The following GPR6 variants were observed in gnomAD, a reference collection of about 807,000 sequenced individuals.
The protein encoded by GPR6 is sphingosine 1-phosphate receptor GPR6.
Under a neutral mutation model 18.5 loss-of-function variants are expected in GPR6, and 14 were observed. That is an observed-to-expected ratio of 0.76 (90% CI 0.50 to 1.18). The LOEUF is 1.18. Ranked by LOEUF, GPR6 falls within the 50% of genes most tolerant of loss-of-function variation. GPR6 has a pLI of 0.00. For missense variants in GPR6, 477 were observed against 495.9 expected (o/e 0.96, Z 0.36); for synonymous variants, 299 against 240.9 (o/e 1.24, Z -2.23).
chr6:109,978,376 G>A lies in GPR6; in HGVS notation c.-110G>A. The A allele has an allele frequency of 5.1e-6, 1 of 195,224 alleles. No individual in the cohort carries two copies. The allele number at this position is 195,224 out of a possible 1,614,324, so 12.1% of individuals were successfully genotyped here. A position where few individuals can be genotyped will look rare whatever the true frequency, so the allele number is the denominator to read the frequency against. On this transcript the variant is annotated 5_prime_UTR_variant, in exon 1 of 2. Coordinates refer to ENST00000275169, the MANE Select transcript of GPR6 (RefSeq NM_005284.5). ...CTCCTCCCCGGCCCGGCCGCCTCCT[G>A]CAGGCAGCTGCTCTGTTTGCGCGGG...
Position 109,980,106 on chromosome 6 carries a change from C to G in GPR6, c.994C>G (p.Arg332Gly), listed in dbSNP as rs921788373. The change falls in exon 2 of 2, where the codon CGC becomes GGC. Residue 332 changes from arginine (R) to glycine (G), a missense_variant. Arg to Gly is a moderately radical substitution (Grantham distance 125). Coordinates refer to ENST00000275169, the MANE Select transcript of GPR6 (RefSeq NM_005284.5). ...SMINPIIYAF[R>G]NQEIQRALWL... ...GATCAATCCCATCATCTATGCCTTC[C>G]GCAACCAGGAGATCCAGCGCGCCCT... is the stretch of plus-strand genomic sequence containing the variant. 7.4e-6 allele frequency: 12 copies of G among 1,614,104 alleles called. No individual in the cohort carries two copies. Among genetic ancestry groups the G allele is most frequent in the Admixed American group, 3.3e-5 (2 of 60,014 alleles).
chr6:109,979,128 G>A lies in GPR6; in HGVS notation c.16G>A (p.Ala6Thr). The A allele has an allele frequency of 1.3e-6, 2 of 1,588,720 alleles. No homozygotes were observed. Among genetic ancestry groups the A allele is most frequent in the Non-Finnish European group, 8.5e-7 (1 of 1,174,944 alleles). The change falls in exon 2 of 2, where the codon GCC becomes ACC. Residue 6 changes from alanine to threonine, a missense_variant. Coordinates refer to ENST00000275169, the MANE Select transcript of GPR6 (RefSeq NM_005284.5). MNASA[A>T]SLNDSQVVVV... The stretch of plus-strand genomic sequence containing the variant: ...TCCGGCCGCGATGAACGCGAGCGCC[G>A]CCTCGCTCAACGACTCCCAGGTGGT...
intron 1 of GPR6, 127 bp from the exon 2 acceptor site, chr6:109,978,968 T>A: frequency 1.3e-6 from 2 of 1,531,956 alleles, no homozygotes; most frequent in Non-Finnish European, 1.8e-6. Flanking sequence ...ATTCCCCGAT[T>A]TGCTCTGGGG....
Position 109,979,600 on chromosome 6 carries a change from C to T in GPR6, c.488C>T (p.Thr163Met), listed in dbSNP as rs1183512778. ...AASVSSLLAI[T>M]VDRYLSLYNA... is the part of the protein sequence containing the mutation. ...TCTGTCAGCAGCCTGCTGGCCATTA[C>T]GGTGGACCGCTACCTGTCCCTGTAT... The change falls in exon 2 of 2, where the codon ACG becomes ATG. Residue 163 changes from threonine to methionine, a missense_variant. Coordinates refer to ENST00000275169, the MANE Select transcript of GPR6 (RefSeq NM_005284.5). 1.2e-6 allele frequency: 2 copies of T among 1,612,666 alleles called. No individual in the cohort carries two copies. Among genetic ancestry groups the T allele is most frequent in the Admixed American group, 1.7e-5 (1 of 60,036 alleles).
Position 109,980,339 on chromosome 6 carries a change from G to A in GPR6, c.*138G>A. The A allele has an allele frequency of 8.0e-7, 1 of 1,246,852 alleles. No homozygotes were observed. Among genetic ancestry groups the A allele is most frequent in the Non-Finnish European group, 1.1e-6 (1 of 881,752 alleles). The allele number at this position is 1,246,852 out of a possible 1,614,324, so 77.2% of individuals were successfully genotyped here. A position where few individuals can be genotyped will look rare whatever the true frequency, so the allele number is the denominator to read the frequency against. On this transcript the variant is annotated 3_prime_UTR_variant, in exon 2 of 2. Transcript: ENST00000275169. ...AAAGAAAAAGGGACTAAAGAGAAAT[G>A]TAACAAACTTACAAGGACAAAGAGG...
At position 109,979,145 on chromosome 6, in the gene GPR6, C is replaced by T. The variant is rs774095220; in HGVS notation, c.33C>T (p.Ser11=). The change falls in exon 2 of 2, where the codon TCC becomes TCT. Residue 11 remains serine, a synonymous_variant. Coordinates refer to ENST00000275169, the MANE Select transcript of GPR6 (RefSeq NM_005284.5). MNASAASLND[S]QVVVVAAEGA... ...CGAGCGCCGCCTCGCTCAACGACTC[C>T]CAGGTGGTGGTAGTGGCGGCCGAAG... The T allele has an allele frequency of 1.2e-6, 2 of 1,601,944 alleles. No individual in the cohort carries two copies. The highest frequency in any genetic ancestry group is 3.5e-5 in the Admixed American group (2 of 57,786).
chr6:109,980,628 A>AT lies in GPR6; in HGVS notation c.*432dup, dbSNP rs1771067971. On this transcript the variant is annotated 3_prime_UTR_variant, in exon 2 of 2. Transcript: ENST00000275169. ...GCAGGGAAAAGGGAGTAAAAGGTGTATTTTTGTCGTATGTGATAGAATATT... is the reference window on the plus strand; with the variant it reads ...GCAGGGAAAAGGGAGTAAAAGGTGTATTTTTTGTCGTATGTGATAGAATATT... 1 of 200,252 alleles carries AT rather than the reference A, an allele frequency of 5.0e-6. No homozygotes were observed. The highest frequency in any genetic ancestry group is 1.1e-5 in the Non-Finnish European group (1 of 91,184). 12.4% of individuals were successfully genotyped at this position (200,252 alleles called of 1,614,324 possible).
rs1160295375 is a variant in GPR6, at chr6:109,980,179, C to T, written c.1067C>T (p.Ser356Phe). 5 of 1,614,244 alleles carry T rather than the reference C, an allele frequency of 3.1e-6. No homozygotes were observed. Reference sequence around the variant, plus strand: ...TTCCAGTCCAAAGTGCCCTTTCGTTCCAGGTCTCCCAGCGAGGTCTGAAGG... The same window carrying T: ...TTCCAGTCCAAAGTGCCCTTTCGTTTCAGGTCTCCCAGCGAGGTCTGAAGG... ...GCFQSKVPFR[S>F]RSPSEV Residue 356 changes from serine (S) to phenylalanine (F), a missense_variant, in exon 2 of 2, where the codon TCC becomes TTC. By Grantham distance (155) the Ser-to-Phe change is radical (BLOSUM62 -2). Coordinates refer to ENST00000275169, the MANE Select transcript of GPR6 (RefSeq NM_005284.5).
Position 109,980,321 on chromosome 6 carries a change from A to C in GPR6, c.*120A>C. The C allele has an allele frequency of 7.2e-7, 1 of 1,397,966 alleles. No individual in the cohort carries two copies. The highest frequency in any genetic ancestry group is 1.3e-5 in the South Asian group (1 of 79,424). The allele number at this position is 1,397,966 out of a possible 1,614,324, so 86.6% of individuals were successfully genotyped here. On this transcript the variant is annotated 3_prime_UTR_variant, in exon 2 of 2. Transcript: ENST00000275169. ...GTGTGAGTCTGACTTTGGAAAGAAA[A>C]AGGGACTAAAGAGAAATGTAACAAA...
In GPR6 at chr6:109,978,672, A is replaced by G. The variant is rs1046046733; in HGVS notation, c.-19+205A>G. The G allele has an allele frequency of 1.1e-5, 16 of 1,446,564 alleles. No homozygotes were observed. The African/African-American group carries it at 2.2e-4, about 20-fold the overall frequency. The allele number at this position is 1,446,564 out of a possible 1,614,324, so 89.6% of individuals were successfully genotyped here. A position where few individuals can be genotyped will look rare whatever the true frequency, so the allele number is the denominator to read the frequency against. ...GCTCCAGGACTCTCCAGGCTTCGCA[A>G]TGCCAGAAACTTCGCTTTCAGCACC... On this transcript the variant is annotated intron_variant, in intron 1 of 1. Transcript: ENST00000275169.
Position 109,980,250 on chromosome 6 carries a change from C to G in GPR6, c.*49C>G, listed in dbSNP as rs778192890. On this transcript the variant is annotated 3_prime_UTR_variant, in exon 2 of 2. Coordinates refer to ENST00000275169, the MANE Select transcript of GPR6 (RefSeq NM_005284.5). ...CCAACACCACACCCCAACAAGCCAG[C>G]CTTTGGTAAGCTCGGTGCCTGCTGA... 17 of 1,609,486 alleles carry G rather than the reference C, an allele frequency of 1.1e-5. No homozygotes were observed. In the Admixed American group the frequency reaches 1.5e-4, roughly 15 times the overall value.
In GPR6 at chr6:109,979,953, C is replaced by G. The variant is rs1423067087; in HGVS notation, c.841C>G (p.Leu281Val). 6.2e-7 allele frequency: 1 copy of G among 1,612,970 alleles called. No individual in the cohort carries two copies. The highest frequency in any genetic ancestry group is 8.5e-7 in the Non-Finnish European group (1 of 1,180,050). ...TGCCACCAGAAAGGGTGTGGGTACA[C>G]TGGCTGTGGTGCTGGGCACTTTCGG... ...LAATRKGVGT[L>V]AVVLGTFGAS... Residue 281 changes from leucine to valine, a missense_variant, in exon 2 of 2, where the codon CTG becomes GTG. Transcript: ENST00000275169.
In GPR6 at chr6:109,980,528, C is replaced by T. The variant is rs1771065895; in HGVS notation, c.*327C>T. Reference sequence around the variant, plus strand: ...GTACATCACGTTTGTCAAACGAAGACATTCCAATACTGCTTAATTATAGCA... The same window carrying T: ...GTACATCACGTTTGTCAAACGAAGATATTCCAATACTGCTTAATTATAGCA... On this transcript the variant is annotated 3_prime_UTR_variant, in exon 2 of 2. Coordinates refer to ENST00000275169, the MANE Select transcript of GPR6 (RefSeq NM_005284.5). 4 of 321,452 alleles carry T rather than the reference C, an allele frequency of 1.2e-5. No individual in the cohort carries two copies. The South Asian group carries it at 2.1e-4, about 17-fold the overall frequency. 19.9% of individuals were successfully genotyped at this position (321,452 alleles called of 1,614,324 possible).
At position 109,979,248 on chromosome 6, in the gene GPR6, G is replaced by T; in HGVS notation, c.136G>T (p.Ala46Ser). Residue 46 changes from alanine (A) to serine (S), a missense_variant, in exon 2 of 2, where the codon GCC becomes TCC. By Grantham distance (99) the Ala-to-Ser change is moderately conservative. Coordinates refer to ENST00000275169, the MANE Select transcript of GPR6 (RefSeq NM_005284.5). ...ACCCCCTGCTGCGGCGGCTCTAGGA[G>T]CCGGCGGCGGAGCTAATGGGTCTCT... Reference protein sequence around the residue: ...WGPPAAAALGAGGGANGSLEL... With the variant: ...WGPPAAAALGSGGGANGSLEL... 2 of 1,610,966 alleles carry T rather than the reference G, an allele frequency of 1.2e-6. No homozygotes were observed. The highest frequency in any genetic ancestry group is 1.7e-6 in the Non-Finnish European group (2 of 1,179,554).
chr6:109,978,730 G>C (rs1324083311), intron 1 of GPR6: 1 of 1,535,304 alleles, frequency 6.5e-7, no homozygotes, highest in East Asian at 2.4e-5. Flanking sequence ...AGCCCCATGG[G>C]GATGTCCTGG....
In GPR6 at chr6:109,980,141, G is replaced by A; in HGVS notation, c.1029G>A (p.Leu343=). The change falls in exon 2 of 2, where the codon CTG becomes CTA. Residue 343 remains leucine, a synonymous_variant. Coordinates refer to ENST00000275169, the MANE Select transcript of GPR6 (RefSeq NM_005284.5). ...NQEIQRALWL[L]LCGCFQSKVP... is the part of the protein sequence containing the mutation. ...AGATCCAGCGCGCCCTGTGGCTCCTGCTCTGTGGCTGTTTCCAGTCCAAAG... is the reference window on the plus strand; with the variant it reads ...AGATCCAGCGCGCCCTGTGGCTCCTACTCTGTGGCTGTTTCCAGTCCAAAG... The A allele has an allele frequency of 6.2e-7, 1 of 1,614,234 alleles. No homozygotes were observed. Among genetic ancestry groups the A allele is most frequent in the Non-Finnish European group, 8.5e-7 (1 of 1,180,046 alleles).
rs1190420992 is a variant in GPR6, at chr6:109,979,343, G to T, written c.231G>T (p.Val77=). 1.2e-6 allele frequency: 2 copies of T among 1,613,654 alleles called. No homozygotes were observed. The highest frequency in any genetic ancestry group is 4.5e-5 in the East Asian group (2 of 44,874). The change falls in exon 2 of 2, where the codon GTG becomes GTT. Residue 77 remains valine, a synonymous_variant. Transcript: ENST00000275169. The part of the protein sequence containing the change: ...LLLPAVNPWD[V]LLCVSGTVIA... ...TGCCAGCGGTGAATCCGTGGGACGT[G>T]CTCCTGTGCGTGTCGGGGACAGTGA... is the stretch of plus-strand genomic sequence containing the variant.
chr6:109,978,607 C>G (rs1226376762), intron 1 of GPR6, 140 bp downstream of exon 1: 1 of 717,818 alleles, frequency 1.4e-6, no homozygotes, highest in African/African-American at 1.8e-5. Flanking sequence ...TACACACACC[C>G]TAGTCTCTCC....
chr6:109,979,926 G>T lies in GPR6; in HGVS notation c.814G>T (p.Ala272Ser). ...GCACTGCCTGGCGCCACCCCATCTC[G>T]CTGCCACCAGAAAGGGTGTGGGTAC... ...QQHCLAPPHLAATRKGVGTLA... is the reference protein window; with the variant it reads ...QQHCLAPPHLSATRKGVGTLA... Residue 272 changes from alanine (A) to serine (S), a missense_variant, in exon 2 of 2, where the codon GCT becomes TCT. Physicochemically the swap from Ala to Ser is moderately conservative, Grantham distance 99. Transcript: ENST00000275169. 1.2e-6 allele frequency: 2 copies of T among 1,612,522 alleles called. No homozygotes were observed.
Sources: gnomAD v4.1 joint callset for allele counts on GRCh38, gnomAD v4.1.1 for gene constraint, MANE v1.5 for transcripts, NCBI Gene and HGNC (gene_info 2026-07-23, HGNC 2026-07-21) for gene names.